Variants in NEGR1 observed in about 807,000 individuals in gnomAD.
The protein encoded by NEGR1 is neuronal growth regulator 1, also known as IgLON family member 4.
A neutral mutation model predicts 40.9 loss-of-function variants in NEGR1; 10 were observed. That is an observed-to-expected ratio of 0.24 (90% confidence interval 0.15 to 0.42). The LOEUF is 0.42. Among genes scored for constraint, NEGR1 ranks in the 10% least tolerant of loss-of-function variants. The probability of loss-of-function intolerance (pLI) is 1.00; values close to 1 mark genes in which losing one functional copy is unlikely to be tolerated. For synonymous variants in NEGR1, 185 were observed against 166.8 expected (o/e 1.11, Z -0.84); for missense variants, 352 against 438.9 (o/e 0.80, Z 1.77).
chr1:72,204,530 GA>G (rs1406475585), intron 1 of NEGR1, among the ~76,000 whole-genome samples: 3 of 152,134 alleles, frequency 2.0e-5, no homozygotes, highest in African/African-American at 7.2e-5. Flanking sequence ...GCTGAGCTTT[GA>G]GGGAGAAATA....
At chr1:71,718,923 A>G (rs1654365317) in intron 3 of NEGR1, among the ~76,000 whole-genome samples, 1 of 152,322 alleles carries the variant, frequency 6.6e-6, no homozygotes, top group East Asian at 1.9e-4. Flanking sequence ...ACAAAACTTC[A>G]GCCAAGTCTA....
intron 2 of NEGR1, among the ~76,000 whole-genome samples, chr1:71,904,851 G>T (rs1661233740): frequency 6.6e-6 from 1 of 152,114 alleles, no homozygotes; most frequent in Non-Finnish European, 1.5e-5. Context: ...TGTATGATTT[G>T]ACAGTCAGCA....
intron 1 of NEGR1, among the ~76,000 whole-genome samples, chr1:71,938,980 A>C (rs1258520127): frequency 6.6e-6 from 1 of 152,084 alleles, no homozygotes; most frequent in Non-Finnish European, 1.5e-5. Flanking sequence ...TTAATTCATA[A>C]GAAAATTTAT....
At chr1:72,252,908 A>G (rs1163032238) in intron 1 of NEGR1, among the ~76,000 whole-genome samples, 1 of 152,242 alleles carries the variant, frequency 6.6e-6, no homozygotes, top group East Asian at 1.9e-4. Context: ...AAGCAATTAC[A>G]TTGCGAAGGA....
intron 2 of NEGR1, among the ~76,000 whole-genome samples, chr1:71,840,873 T>A (rs151293683): frequency 3.5e-4 from 53 of 152,234 alleles, no homozygotes; most frequent in African/African-American, 1.2e-3. Context: ...GCGGGCCCCA[T>A]CCAATCAGCT....
intron 6 of NEGR1, among the ~76,000 whole-genome samples, chr1:71,538,106 TATC>T (rs1430332038): frequency 1.3e-5 from 2 of 151,648 alleles, no homozygotes; most frequent in Non-Finnish European, 3.0e-5. Flanking sequence ...GAAAATAAGG[TATC>T]ATGTAAAATA....
At chr1:71,751,668 A>G (rs1655574767) in intron 3 of NEGR1, among the ~76,000 whole-genome samples, 1 of 152,074 alleles carries the variant, frequency 6.6e-6, no homozygotes, top group Admixed American at 6.6e-5. Context: ...CAATCAATGG[A>G]AGCCCACAGG....
At chr1:71,759,596 CTT>C (rs71074804) in intron 3 of NEGR1, among the ~76,000 whole-genome samples, 124 of 31,860 alleles carry the variant, frequency 3.9e-3, no homozygotes, top group African/African-American at 6.6e-3. Context: ...TGCGTCCAGG[CTT>C]TTTTTTTTTT....
At chr1:71,737,570 G>C (rs955784070) in intron 3 of NEGR1, among the ~76,000 whole-genome samples, 1 of 152,142 alleles carries the variant, frequency 6.6e-6, no homozygotes, top group African/African-American at 2.4e-5. Flanking sequence ...AAACAAAATA[G>C]AGACTAAAAC....
chr1:71,995,621 C>T (rs12409074), intron 1 of NEGR1, among the ~76,000 whole-genome samples: 14,633 of 152,148 alleles, frequency 0.096, 787 homozygotes, highest in Middle Eastern at 0.18. Context: ...TTAAATACAT[C>T]TCAATTCACT....
intron 3 of NEGR1, among the ~76,000 whole-genome samples, chr1:71,722,606 G>T (rs1654545630): frequency 6.6e-6 from 1 of 151,964 alleles, no homozygotes; most frequent in South Asian, 2.1e-4. Context: ...ATAGATGTGG[G>T]TTTTTTGTTA....
chr1:72,207,749 A>G (rs1046674144), intron 1 of NEGR1, among the ~76,000 whole-genome samples: 3 of 151,744 alleles, frequency 2.0e-5, no homozygotes, highest in Non-Finnish European at 4.4e-5. Context: ...TTTTAGATAA[A>G]TACTTATTTG....
In NEGR1 at chr1:71,442,132, C is replaced by T. The variant is rs191631101; in HGVS notation, c.941-34562G>A. Among the ~76,000 whole-genome samples, 743 of 150,088 alleles carry T rather than the reference C, an allele frequency of 5.0e-3. 4 individuals carry two copies. The highest frequency in any genetic ancestry group is 0.031 in the Middle Eastern group (9 of 290). ...TTCTATTACTCACCTTGAAAAAAAA[C>T]CTCTCTATAAATGCATTTGCAAATA... On this transcript the variant is annotated intron_variant, in intron 6 of 6. Coordinates refer to ENST00000357731, the MANE Select transcript of NEGR1 (RefSeq NM_173808.3).
chr1:71,647,507 T>C (rs1470389840), intron 4 of NEGR1, among the ~76,000 whole-genome samples: 2 of 151,890 alleles, frequency 1.3e-5, no homozygotes, highest in Non-Finnish European at 2.9e-5. Flanking sequence ...TTAAACACAA[T>C]AAACATAAGT....
At chr1:71,902,880 AG>A (rs1397965428) in intron 2 of NEGR1, among the ~76,000 whole-genome samples, 4 of 152,080 alleles carry the variant, frequency 2.6e-5, no homozygotes, top group African/African-American at 9.7e-5. Flanking sequence ...AATTATAAAA[AG>A]TTTTTACTTT....
At chr1:72,232,781 C>T (rs941005033) in intron 1 of NEGR1, among the ~76,000 whole-genome samples, 1 of 152,066 alleles carries the variant, frequency 6.6e-6, no homozygotes. Context: ...AGGTCATTAG[C>T]CATCCTTGTA....
At chr1:72,222,040 T>C (rs1654030421) in intron 1 of NEGR1, among the ~76,000 whole-genome samples, 1 of 151,772 alleles carries the variant, frequency 6.6e-6, no homozygotes, top group African/African-American at 2.4e-5. Flanking sequence ...GGGCTGGTAG[T>C]CATCAGGCCA....
At chr1:71,693,756 T>C (rs948507302) in intron 4 of NEGR1, among the ~76,000 whole-genome samples, 1 of 151,662 alleles carries the variant, frequency 6.6e-6, no homozygotes, top group African/African-American at 2.4e-5. Flanking sequence ...ACTGGAAGAA[T>C]ACATACAAAT....
At chr1:72,109,700 A>T (rs1341109963) in intron 1 of NEGR1, among the ~76,000 whole-genome samples, 1 of 151,650 alleles carries the variant, frequency 6.6e-6, no homozygotes, top group African/African-American at 2.4e-5. Flanking sequence ...ACTAGGAGAA[A>T]ATTAAAACTC....
Sources: allele counts gnomAD v4.1 joint callset (sites outside exome capture counted in the v4.1 genomes callset), GRCh38; gene constraint gnomAD v4.1.1; transcripts MANE v1.5; gene names NCBI Gene and HGNC (gene_info 2026-07-23, HGNC 2026-07-21).